CDH12: variants seen among roughly 807,000 people sequenced by gnomAD.
The protein encoded by CDH12 is cadherin 12.
In CDH12, 41 loss-of-function variants were observed where a neutral mutation model predicts 74.1. The observed-to-expected ratio is 0.55, with a 90% CI of 0.43 to 0.72. CDH12 has a LOEUF of 0.72. Among genes scored for constraint, CDH12 ranks in the 30% least tolerant of loss-of-function variants. The pLI is 0.00. For missense variants in CDH12, 945 were observed against 977.2 expected, an observed-to-expected ratio of 0.97 and a Z score of 0.44; for synonymous variants, 399 against 355.0, an observed-to-expected ratio of 1.12 and a Z score of -1.39.
rs1359462992 is a variant in CDH12, at chr5:21,840,963, T to C, written c.814+1198A>G. On this transcript the variant is annotated intron_variant, in intron 8 of 14. Coordinates refer to ENST00000382254, the MANE Select transcript of CDH12 (RefSeq NM_004061.5). ...TAGGCATGGGTAAGGACTTCATGTC[T>C]AAAACACCAAAAGCAATGGCAACAA... Among the ~76,000 whole-genome samples the C allele has an allele frequency of 3.3e-5, 5 of 151,868 alleles. No homozygotes were observed. The East Asian group carries it at 5.8e-4, about 18-fold the overall frequency.
chr5:21,816,337 G>T (rs572035670), intron 9 of CDH12, among the ~76,000 whole-genome samples: 2 of 152,108 alleles, frequency 1.3e-5, no homozygotes, highest in South Asian at 4.2e-4. Context: ...TAAGAATACA[G>T]TATATACGGC....
chr5:22,279,528 C>A (rs544485603), intron 3 of CDH12, among the ~76,000 whole-genome samples: 2 of 152,122 alleles, frequency 1.3e-5, no homozygotes, highest in African/African-American at 4.8e-5. Flanking sequence ...CTCCTCCCCT[C>A]CCCCCACCGC....
At chr5:22,200,580 T>G (rs1028978520) in intron 4 of CDH12, among the ~76,000 whole-genome samples, 1 of 152,184 alleles carries the variant, frequency 6.6e-6, no homozygotes, top group Non-Finnish European at 1.5e-5. Context: ...ATGTTGGAAA[T>G]GCATTAAACA....
chr5:22,420,757 C>A (rs1385378259), intron 2 of CDH12, among the ~76,000 whole-genome samples: 1 of 152,038 alleles, frequency 6.6e-6, no homozygotes, highest in African/African-American at 2.4e-5. Context: ...ATGGGAATAT[C>A]ATTGAATCTA....
intron 3 of CDH12, among the ~76,000 whole-genome samples, chr5:22,397,261 T>G (rs1034254412): frequency 1.5e-4 from 23 of 152,044 alleles, no homozygotes; most frequent in Admixed American, 1.3e-4. Context: ...ATGCAGACAA[T>G]GCCAGCCTTC....
At chr5:22,694,112 A>T (rs1285107483) in intron 1 of CDH12, among the ~76,000 whole-genome samples, 2 of 151,452 alleles carry the variant, frequency 1.3e-5, no homozygotes, top group East Asian at 1.9e-4. Context: ...CTAATTTTAA[A>T]TTTTTTTTGT....
intron 4 of CDH12, among the ~76,000 whole-genome samples, chr5:22,147,027 A>G (rs1443288175): frequency 3.9e-5 from 6 of 152,168 alleles, no homozygotes; most frequent in African/African-American, 1.4e-4. Context: ...TCTTTGTGAT[A>G]TTACTTCCTG....
intron 6 of CDH12, among the ~76,000 whole-genome samples, chr5:21,867,524 G>T (rs190492762): frequency 1.9e-4 from 29 of 152,342 alleles, no homozygotes; most frequent in Admixed American, 2.6e-4. Flanking sequence ...CTGGATGTGA[G>T]ACATGTAGTC....
intron 6 of CDH12, among the ~76,000 whole-genome samples, chr5:21,898,901 G>A (rs1193120267): frequency 6.6e-6 from 1 of 151,794 alleles, no homozygotes; most frequent in South Asian, 2.1e-4. Context: ...AAAATGAGTT[G>A]ATCTAAGAGA....
chr5:22,820,761 A>G (rs1486852372), intron 1 of CDH12, among the ~76,000 whole-genome samples: 24 of 152,226 alleles, frequency 1.6e-4, no homozygotes, highest in African/African-American at 5.1e-4. Flanking sequence ...CAATCAAAAA[A>G]AGTCCAGAAC....
intron 3 of CDH12, among the ~76,000 whole-genome samples, chr5:22,310,767 G>A (rs1451096121): frequency 6.6e-6 from 1 of 152,082 alleles, no homozygotes; most frequent in Non-Finnish European, 1.5e-5. Flanking sequence ...TTTAATCTTA[G>A]TCATCTTTTA....
chr5:22,383,544 T>G (rs1385925286), intron 3 of CDH12, among the ~76,000 whole-genome samples: 2 of 152,218 alleles, frequency 1.3e-5, no homozygotes, highest in South Asian at 4.1e-4. Context: ...GGTTGAAGTA[T>G]AGAACACACT....
intron 1 of CDH12, among the ~76,000 whole-genome samples, chr5:22,616,843 G>T (rs1017842096): frequency 3.5e-4 from 53 of 151,990 alleles, no homozygotes; most frequent in African/African-American, 1.2e-3. Flanking sequence ...CAGAGCCTTT[G>T]TGAATGGAAT....
rs1468489463 is a variant in CDH12, at chr5:22,818,619, G to A, written c.-523+34439C>T. Among the ~76,000 whole-genome samples the A allele has an allele frequency of 1.3e-5, 2 of 152,106 alleles. 1 individual carries two copies. Among genetic ancestry groups the A allele is most frequent in the African/African-American group, 4.8e-5 (2 of 41,424 alleles). ...TCTAAATATTTAAAACAATGATTCT[G>A]CTTAAGTATGTCATACTTTAACTTA... On this transcript the variant is annotated intron_variant, in intron 1 of 14. Transcript: ENST00000382254.
intron 4 of CDH12, among the ~76,000 whole-genome samples, chr5:22,117,458 TTATATATATAA>T (rs1284957164): frequency 3.0e-4 from 23 of 75,496 alleles, no homozygotes; most frequent in East Asian, 1.2e-3. Context: ...AATATATATA[TTATATATATAA>T]TATATATATT....
intron 2 of CDH12, among the ~76,000 whole-genome samples, chr5:22,460,629 G>A (rs1421986377): frequency 1.3e-5 from 2 of 150,964 alleles, no homozygotes; most frequent in African/African-American, 2.4e-5. Flanking sequence ...TCAAGAGTCT[G>A]GGAAATGCAA....
At chr5:22,115,834 G>A (rs1377555611) in intron 4 of CDH12, among the ~76,000 whole-genome samples, 2 of 151,750 alleles carry the variant, frequency 1.3e-5, no homozygotes, top group African/African-American at 4.8e-5. Context: ...TGGGACTACA[G>A]GCACATGCCA....
intron 2 of CDH12, among the ~76,000 whole-genome samples, chr5:22,449,081 C>A (rs891678417): frequency 1.3e-5 from 2 of 151,430 alleles, no homozygotes; most frequent in African/African-American, 4.8e-5. Flanking sequence ...TATATAATGC[C>A]TTGAATACAT....
chr5:22,464,125 CAA>C (rs1255551624), intron 2 of CDH12, among the ~76,000 whole-genome samples: 1 of 152,126 alleles, frequency 6.6e-6, no homozygotes, highest in Admixed American at 6.6e-5. Context: ...GATGATTTTT[CAA>C]AGAGGAATTC....
Sources: allele counts gnomAD v4.1 joint callset (sites outside exome capture counted in the v4.1 genomes callset), GRCh38; gene constraint gnomAD v4.1.1; transcripts MANE v1.5; gene names NCBI Gene and HGNC (gene_info 2026-07-23, HGNC 2026-07-21).